The following ELFN2 variants were observed in gnomAD, a reference collection of about 807,000 sequenced individuals.
ELFN2 encodes extracellular leucine rich repeat and fibronectin type III domain containing 2.
ELFN2 carries 17 observed loss-of-function variants against 45.5 expected under a neutral mutation model. The ratio of observed to expected loss-of-function variants is 0.37; its 90% CI spans 0.26 to 0.56. The LOEUF (loss-of-function observed/expected upper bound fraction) is 0.56, where lower values mean the gene tolerates loss of function less well. Ranked by LOEUF, ELFN2 falls within the 20% of genes least tolerant of loss-of-function variation. ELFN2 has a pLI of 0.77. For missense variants in ELFN2, 922 were observed against 1,183.2 expected (o/e 0.78, Z 3.24); for synonymous variants, 550 against 551.5 (o/e 1.00, Z 0.04).
chr22:37,374,197 A>C lies in ELFN2; in HGVS notation c.1338T>G (p.Asp446Glu), dbSNP rs748776432. 1.2e-6 allele frequency: 2 copies of C among 1,613,484 alleles called. No homozygotes were observed. Among genetic ancestry groups the C allele is most frequent in the East Asian group, 2.2e-5 (1 of 44,858 alleles). The change falls in exon 3 of 3, where the codon GAT becomes GAG. Residue 446 changes from aspartate (D) to glutamate (E), a missense_variant. Coordinates refer to ENST00000402918, the MANE Select transcript of ELFN2 (RefSeq NM_052906.5). ...CGTGCACAATGGAGCCGGCATCCAC[A>C]TCAGCCCCGTAGCGCATCTCCAGGA... ...KTILEMRYGA[D>E]VDAGSIVHAA...
rs1454354820 is a variant in ELFN2, at chr22:37,370,010, GATGCAGGCC to G, written c.*3053_*3061del. The G allele has an allele frequency of 6.6e-6, 1 of 152,250 alleles. No homozygotes were observed. The highest frequency in any genetic ancestry group is 1.5e-5 in the Non-Finnish European group (1 of 68,062). The allele number at this position is 152,250 out of a possible 1,614,324, so 9.4% of individuals were successfully genotyped here. On this transcript the variant is annotated 3_prime_UTR_variant, in exon 3 of 3. Coordinates refer to ENST00000402918, the MANE Select transcript of ELFN2 (RefSeq NM_052906.5). ...CATCCTGAGCAGGACGTGGGACACA[GATGCAGGCC>G]AGCCTCCGGGTGGGCTCTCCCCAAG...
chr22:37,398,771 T>A (rs2145668467), intron 2 of ELFN2, among the ~76,000 whole-genome samples: 2 of 152,234 alleles, frequency 1.3e-5, no homozygotes, highest in Admixed American at 1.3e-4. Context: ...ACACATGTCA[T>A]GTGTGCACAC....
intron 2 of ELFN2, among the ~76,000 whole-genome samples, chr22:37,380,945 C>T (rs2145644665): frequency 6.6e-6 from 1 of 152,310 alleles, no homozygotes; most frequent in East Asian, 1.9e-4. Flanking sequence ...ATTATACCTT[C>T]ACCATGGAAC....
intron 1 of ELFN2, among the ~76,000 whole-genome samples, chr22:37,361,979 C>T (rs978295356): frequency 3.9e-5 from 6 of 152,214 alleles, no homozygotes; most frequent in Non-Finnish European, 8.8e-5. Flanking sequence ...CTGCCTACAC[C>T]TCCCACACGC....
In ELFN2 at chr22:37,368,525, G is replaced by A. The variant is rs1387882353; in HGVS notation, c.*4547C>T. On this transcript the variant is annotated 3_prime_UTR_variant, in exon 3 of 3. Transcript: ENST00000402918. ...TGGACCCTGGTTTTGTCTTAGAAGGGGCACCCAGGGTCAGGGAAGGAGTGT... is the reference window on the plus strand; with the variant it reads ...TGGACCCTGGTTTTGTCTTAGAAGGAGCACCCAGGGTCAGGGAAGGAGTGT... 6.6e-6 allele frequency: 1 copy of A among 152,326 alleles called. No individual in the cohort carries two copies. The highest frequency in any genetic ancestry group is 2.4e-5 in the African/African-American group (1 of 41,462). The allele number at this position is 152,326 out of a possible 1,614,324, so 9.4% of individuals were successfully genotyped here. A position where few individuals can be genotyped will look rare whatever the true frequency, so the allele number is the denominator to read the frequency against.
intron 2 of ELFN2, among the ~76,000 whole-genome samples, chr22:37,415,950 G>A (rs953108037): frequency 2.6e-5 from 4 of 152,276 alleles, no homozygotes; most frequent in Admixed American, 6.5e-5. Context: ...GTGACAGAGC[G>A]AGACTCCGTC....
chr22:37,375,836 C>CCCCCCT lies in ELFN2; in HGVS notation c.-303_-302insAGGGGG. The CCCCCCT allele has an allele frequency of 2.9e-6, 1 of 345,380 alleles. No individual in the cohort carries two copies. Among genetic ancestry groups the CCCCCCT allele is most frequent in the Non-Finnish European group, 5.4e-6 (1 of 184,352 alleles). 21.4% of individuals were successfully genotyped at this position (345,380 alleles called of 1,614,324 possible). A position where few individuals can be genotyped will look rare whatever the true frequency, so the allele number is the denominator to read the frequency against. On this transcript the variant is annotated 5_prime_UTR_variant, in exon 3 of 3. Coordinates refer to ENST00000402918, the MANE Select transcript of ELFN2 (RefSeq NM_052906.5). ...GGGTTCTCAGGGCTTGACTTCCTCT[C>CCCCCCT]CCTCCTCCTCCTCCTCCTCCTCCTC...
chr22:37,414,771 A>G (rs1932736847), intron 2 of ELFN2, among the ~76,000 whole-genome samples: 2 of 152,162 alleles, frequency 1.3e-5, no homozygotes, highest in Admixed American at 1.3e-4. Context: ...TCACTTACAA[A>G]GGGCACTCAC....
At chr22:37,380,527 AG>A (rs1385246625) in intron 2 of ELFN2, among the ~76,000 whole-genome samples, 2 of 152,158 alleles carry the variant, frequency 1.3e-5, no homozygotes, top group Non-Finnish European at 2.9e-5. Flanking sequence ...GGGGAAGCGC[AG>A]TCTGTGTCCT....
At position 37,374,212 on chromosome 22, in the gene ELFN2, C is replaced by G; in HGVS notation, c.1323G>C (p.Met441Ile). 1 of 1,613,912 alleles carries G rather than the reference C, an allele frequency of 6.2e-7. No individual in the cohort carries two copies. The highest frequency in any genetic ancestry group is 8.5e-7 in the Non-Finnish European group (1 of 1,180,038). The change falls in exon 3 of 3, where the codon ATG (methionine) becomes ATC (isoleucine). Residue 441 changes from methionine (M) to isoleucine (I), a missense_variant. This residue lies in a region of ELFN2 where 564 missense variants were observed against 642.8 expected (regional missense o/e 0.88). Coordinates refer to ENST00000402918, the MANE Select transcript of ELFN2 (RefSeq NM_052906.5). ...CGGCATCCACATCAGCCCCGTAGCG[C>G]ATCTCCAGGATGGTCTTCTTGACGT... ...SVNVKKTILE[M>I]RYGADVDAGS...
At chr22:37,384,004 G>A (rs1931864658) in intron 2 of ELFN2, among the ~76,000 whole-genome samples, 1 of 152,054 alleles carries the variant, frequency 6.6e-6, no homozygotes, top group African/African-American at 2.4e-5. Context: ...TGTGTCTCTG[G>A]TTTGCTGGGG....
intron 2 of ELFN2, among the ~76,000 whole-genome samples, chr22:37,391,516 A>G (rs928559817): frequency 3.4e-4 from 51 of 152,166 alleles, no homozygotes; most frequent in African/African-American, 1.2e-3. Context: ...CCACACTGTC[A>G]TGCCTGCTTG....
chr22:37,347,155 T>C (rs1210220759), intron 1 of ELFN2, among the ~76,000 whole-genome samples: 1 of 151,990 alleles, frequency 6.6e-6, no homozygotes, highest in Non-Finnish European at 1.5e-5. Context: ...ATTTTGTATT[T>C]TTAGTAGAGA....
intron 1 of ELFN2, among the ~76,000 whole-genome samples, chr22:37,350,147 C>G (rs1930789176): frequency 6.6e-6 from 1 of 151,002 alleles, no homozygotes. Context: ...GCTGGCCTCA[C>G]AGACGCCCAG....
chr22:37,401,315 C>T (rs1932356352), intron 2 of ELFN2, among the ~76,000 whole-genome samples: 1 of 152,208 alleles, frequency 6.6e-6, no homozygotes, highest in African/African-American at 2.4e-5. Flanking sequence ...TCATTGTCCT[C>T]ATTTTAAAGA....
rs760440163 is a variant in ELFN2 at position 37,375,322 on chromosome 22, G to C, written c.213C>G (p.Leu71=). 2 of 1,614,172 alleles carry C rather than the reference G, an allele frequency of 1.2e-6. No individual in the cohort carries two copies. Among genetic ancestry groups the C allele is most frequent in the Non-Finnish European group, 1.7e-6 (2 of 1,180,042 alleles). ...RLNENKLKAV[L]YSSLNRFGNL... is the part of the protein sequence containing the mutation. ...TCCCAAAGCGGTTGAGCGAGGAGTA[G>C]AGCACGGCTTTGAGCTTGTTCTCGT... Residue 71 remains leucine (L), a synonymous_variant, in exon 3 of 3, where the codon CTC becomes CTG. Transcript: ENST00000402918.
intron 2 of ELFN2, among the ~76,000 whole-genome samples, chr22:37,407,336 T>A (rs1226726096): frequency 1.3e-5 from 2 of 152,206 alleles, no homozygotes; most frequent in Non-Finnish European, 2.9e-5. Context: ...CACTTATTCT[T>A]CAACAAATGC....
At position 37,374,460 on chromosome 22, in the gene ELFN2, A is replaced by C; in HGVS notation, c.1075T>G (p.Phe359Val). The change falls in exon 3 of 3, where the codon TTC (phenylalanine) becomes GTC (valine). Residue 359 changes from phenylalanine (F) to valine (V), a missense_variant. Physicochemically the swap from Phe to Val is conservative, Grantham distance 50 (BLOSUM62 -1). Transcript: ENST00000402918. ...CTGTTGCGCAGCGAGGTCACGCAGA[A>C]GGTGTACTCAGTGTGCGCCCGCAGT... ...DKLRAHTEYTFCVTSLRNSRR... is the reference protein window; with the variant it reads ...DKLRAHTEYTVCVTSLRNSRR... 6.2e-7 allele frequency: 1 copy of C among 1,614,184 alleles called. No individual in the cohort carries two copies. Among genetic ancestry groups the C allele is most frequent in the Non-Finnish European group, 8.5e-7 (1 of 1,180,028 alleles).
Position 37,374,175 on chromosome 22 carries a change from G to A in ELFN2, c.1360C>T (p.His454Tyr). Residue 454 changes from histidine (H) to tyrosine (Y), a missense_variant, in exon 3 of 3, where the codon CAC becomes TAC. Around this residue, in one of 2 missense-constraint regions of ELFN2, gnomAD observed 564 missense variants for 642.8 expected, o/e 0.88. Transcript: ENST00000402918. Reference protein sequence around the residue: ...GADVDAGSIVHAAQKLGEPPV... With the variant: ...GADVDAGSIVYAAQKLGEPPV... ...GGCTCGCCCAGCTTCTGGGCGGCGT[G>A]CACAATGGAGCCGGCATCCACATCA... is the stretch of plus-strand genomic sequence containing the variant. 1 of 1,613,148 alleles carries A rather than the reference G, an allele frequency of 6.2e-7. No individual in the cohort carries two copies. Among genetic ancestry groups the A allele is most frequent in the South Asian group, 1.1e-5 (1 of 91,084 alleles).
Sources: allele counts gnomAD v4.1 joint callset (sites outside exome capture counted in the v4.1 genomes callset), GRCh38; gene constraint gnomAD v4.1.1; regional missense constraint gnomAD v4.1.1; transcripts MANE v1.5; gene names NCBI Gene and HGNC (gene_info 2026-07-23, HGNC 2026-07-21).